Variants in ATP5PD observed in about 807,000 individuals in gnomAD.
The protein encoded by ATP5PD is ATP synthase peripheral stalk subunit d, mitochondrial.
Under a neutral mutation model 22.6 loss-of-function variants are expected in ATP5PD, and 13 were observed. That is an observed-to-expected ratio of 0.58 (90% CI 0.37 to 0.91). The LOEUF (loss-of-function observed/expected upper bound fraction) is 0.91, where lower values mean the gene tolerates loss of function less well. Ranked by LOEUF, ATP5PD falls within the 40% of genes least tolerant of loss-of-function variation. ATP5PD has a pLI of 0.00. For synonymous variants in ATP5PD, 51 were observed against 65.0 expected (o/e 0.79, Z 1.03); for missense variants, 165 against 188.0 (o/e 0.88, Z 0.72).
intron 4 of ATP5PD, 192 bp from the exon 5 acceptor site, chr17:75,039,463 A>G (rs958044994): frequency 2.5e-5 from 14 of 569,804 alleles, no homozygotes; most frequent in Non-Finnish European, 4.1e-5. Context: ...AGAAGCCCAT[A>G]TGGAAAACCA....
Position 75,045,582 on chromosome 17 carries a change from GC to G in ATP5PD, c.-10+1342del, listed in dbSNP as rs2073206381. On this transcript the variant is annotated intron_variant, in intron 1 of 5. Transcript: ENST00000301587. ...ATCCCATGCTGAGAAAAAGAATTCA[GC>G]GATATTTCTCCCATTTGCTTTTGAA... Among the ~76,000 whole-genome samples the G allele has an allele frequency of 5.3e-5, 8 of 152,338 alleles. No individual in the cohort carries two copies. The South Asian group carries it at 1.7e-3, about 32-fold the overall frequency.
chr17:75,043,020 G>C (rs1351148487), intron 1 of ATP5PD, among the ~76,000 whole-genome samples: 1 of 149,760 alleles, frequency 6.7e-6, no homozygotes, highest in Non-Finnish European at 1.5e-5. Flanking sequence ...TCAGGAGTTC[G>C]AGACCAGCAT....
At chr17:75,045,097 T>G (rs1407625483) in intron 1 of ATP5PD, among the ~76,000 whole-genome samples, 1 of 152,150 alleles carries the variant, frequency 6.6e-6, no homozygotes, top group African/African-American at 2.4e-5. Context: ...ATTTTAAAGC[T>G]GGGCGTCCGG....
chr17:75,038,914 T>C lies in ATP5PD; in HGVS notation c.*18A>G. 1.9e-6 allele frequency: 3 copies of C among 1,609,138 alleles called. No homozygotes were observed. Among genetic ancestry groups the C allele is most frequent in the Non-Finnish European group, 2.5e-6 (3 of 1,178,300 alleles). On this transcript the variant is annotated 3_prime_UTR_variant, in exon 6 of 6. Transcript: ENST00000301587. Reference sequence around the variant, plus strand: ...GAATGTGTAATACAAGGGCCAGAGCTTCCTCCTGGACTCAATTTTATAAAT... The same window carrying C: ...GAATGTGTAATACAAGGGCCAGAGCCTCCTCCTGGACTCAATTTTATAAAT...
At chr17:75,044,001 C>T (rs1265059473) in intron 1 of ATP5PD, among the ~76,000 whole-genome samples, 1 of 151,034 alleles carries the variant, frequency 6.6e-6, no homozygotes, top group African/African-American at 2.4e-5. Context: ...TATACCCTAG[C>T]AGCACCAGCA....
rs774424117 is a variant in ATP5PD, at chr17:75,040,123, G to A, written c.260C>T (p.Thr87Ile). 5 of 1,612,714 alleles carry A rather than the reference G, an allele frequency of 3.1e-6. No individual in the cohort carries two copies. The highest frequency in any genetic ancestry group is 4.2e-6 in the Non-Finnish European group (5 of 1,179,900). ...TTTTTCTTCGGCATCCACCTGGGCA[G>A]TATATTTATCCTCTGGCACGGGAAC... ...LKVPVPEDKY[T>I]AQVDAEEKED... The change falls in exon 4 of 6, where the codon ACT (threonine) becomes ATT (isoleucine). Residue 87 changes from threonine (T) to isoleucine (I), a missense_variant. By Grantham distance (89) the Thr-to-Ile change is moderately conservative. Transcript: ENST00000301587.
chr17:75,039,809 C>T (rs904586115), intron 4 of ATP5PD: 16 of 426,434 alleles, frequency 3.8e-5, no homozygotes, highest in African/African-American at 2.8e-4. Context: ...GTGAAACCAG[C>T]AGTCCCCTCT....
chr17:75,045,871 G>C (rs2073209831), intron 1 of ATP5PD, among the ~76,000 whole-genome samples: 1 of 152,228 alleles, frequency 6.6e-6, no homozygotes, highest in Non-Finnish European at 1.5e-5. Context: ...GACTGGGGAA[G>C]TGATAAGTGT....
At chr17:75,040,362 C>T (rs539268299) in intron 3 of ATP5PD, 199 bp from the exon 4 acceptor site, 13 of 616,972 alleles carry the variant, frequency 2.1e-5, no homozygotes, top group East Asian at 1.1e-4. Flanking sequence ...AGACTGGGAA[C>T]AGGAGCTCAA....
At chr17:75,039,867 C>G in intron 4 of ATP5PD, 1 of 561,280 alleles carries the variant, frequency 1.8e-6, no homozygotes, top group South Asian at 2.2e-5. Flanking sequence ...TTTCTAGAGT[C>G]TTACAAAGAT....
At chr17:75,039,388 G>A (rs2073135550) in intron 4 of ATP5PD, 117 bp from the exon 5 acceptor site, 1 of 906,660 alleles carries the variant, frequency 1.1e-6, no homozygotes, top group East Asian at 2.5e-5. Context: ...TGGAGAAACT[G>A]TGGTTACCCT....
chr17:75,040,292 A>G (rs779857793), intron 3 of ATP5PD, 129 bp from the exon 4 acceptor site: 259 of 1,061,244 alleles, frequency 2.4e-4, no homozygotes, highest in Admixed American at 6.5e-4. Context: ...ATACTGAAAG[A>G]CATTCTGTGT....
rs533075854 is a variant in ATP5PD, at chr17:75,043,611, C to CAAA, written c.-9-955_-9-953dup. Reference sequence around the variant, plus strand: ...CTGGACACAGAGTGAGACTCTGTCTCAAAAAAAAAAAAAAAAACAAACCCC... The same window carrying CAAA: ...CTGGACACAGAGTGAGACTCTGTCTCAAAAAAAAAAAAAAAAAAAACAAACCCC... On this transcript the variant is annotated intron_variant, in intron 1 of 5. Coordinates refer to ENST00000301587, the MANE Select transcript of ATP5PD (RefSeq NM_006356.3). 5.0e-4 allele frequency among the ~76,000 whole-genome samples: 40 copies of CAAA among 80,642 alleles called. 2 individuals are homozygous for CAAA. The highest frequency in any genetic ancestry group is 2.4e-3 in the South Asian group (6 of 2,516). 52.9% of individuals were successfully genotyped at this position (80,642 alleles called of 152,430 possible). A position where few individuals can be genotyped will look rare whatever the true frequency, so the allele number is the denominator to read the frequency against.
intron 1 of ATP5PD, among the ~76,000 whole-genome samples, chr17:75,045,338 T>C (rs571289329): frequency 2.6e-5 from 4 of 152,350 alleles, no homozygotes; most frequent in Non-Finnish European, 2.9e-5. Context: ...TTGGGCACCA[T>C]TGTCATTGAT....
intron 1 of ATP5PD, among the ~76,000 whole-genome samples, chr17:75,043,616 A>G (rs1392783104): frequency 6.6e-6 from 1 of 151,720 alleles, no homozygotes; most frequent in East Asian, 1.9e-4. Context: ...TGTCTCAAAA[A>G]AAAAAAAAAA....
intron 5 of ATP5PD, 27 bp downstream of exon 5, chr17:75,039,182 T>C (rs1185595616): frequency 1.2e-6 from 2 of 1,613,760 alleles, no homozygotes; most frequent in Admixed American, 1.7e-5. Context: ...ACCCATATTA[T>C]AGGCAACGGC....
At chr17:75,046,200 A>T (rs1259529090) in intron 1 of ATP5PD, among the ~76,000 whole-genome samples, 3 of 152,116 alleles carry the variant, frequency 2.0e-5, no homozygotes, top group African/African-American at 7.2e-5. Context: ...CTCCTGCCTC[A>T]GCCTCCCGAG....
chr17:75,042,427 T>C (rs909843303), intron 2 of ATP5PD, 102 bp downstream of exon 2: 19 of 1,527,528 alleles, frequency 1.2e-5, no homozygotes, highest in Admixed American at 2.0e-5. Context: ...TTTCTTTATA[T>C]GTTGTCATAA....
intron 1 of ATP5PD, among the ~76,000 whole-genome samples, chr17:75,045,483 A>G (rs1252905726): frequency 6.6e-6 from 1 of 152,250 alleles, no homozygotes; most frequent in Non-Finnish European, 1.5e-5. Context: ...AGTCTCAACC[A>G]TAAGAGACAG....
Sources: allele counts gnomAD v4.1 joint callset (sites outside exome capture counted in the v4.1 genomes callset), GRCh38; gene constraint gnomAD v4.1.1; transcripts MANE v1.5; gene names NCBI Gene and HGNC (gene_info 2026-07-23, HGNC 2026-07-21).